Variants in MRAS observed in about 807,000 individuals in gnomAD.
MRAS encodes the protein muscle RAS oncogene homolog, also known as ras-related protein M-Ras.
Under a neutral mutation model 20.9 loss-of-function variants are expected in MRAS, and 4 were observed. The ratio of observed to expected loss-of-function variants is 0.19; its 90% CI spans 0.09 to 0.44. MRAS has a LOEUF of 0.44. MRAS is among the 20% of genes least tolerant of loss of function. The probability of loss-of-function intolerance (pLI) is 0.99; values close to 1 mark genes in which losing one functional copy is unlikely to be tolerated. For missense variants in MRAS, 154 were observed against 277.5 expected (o/e 0.56, Z 3.16); for synonymous variants, 98 against 102.9 (o/e 0.95, Z 0.29).
intron 1 of MRAS, among the ~76,000 whole-genome samples, chr3:138,357,812 C>G (rs2054365920): frequency 1.3e-5 from 2 of 152,172 alleles, no homozygotes; most frequent in African/African-American, 4.8e-5. Context: ...CAGCCCAGAT[C>G]AGGGCAGAAG....
chr3:138,372,706 A>G (rs562393225), intron 1 of MRAS, among the ~76,000 whole-genome samples, 160 bp from the exon 2 acceptor site: 9 of 152,372 alleles, frequency 5.9e-5, no homozygotes, highest in Non-Finnish European at 1.2e-4. Flanking sequence ...GTCTCTGGCT[A>G]GTGAGACCAG....
intron 1 of MRAS, among the ~76,000 whole-genome samples, chr3:138,369,180 G>A (rs2054623253): frequency 6.6e-6 from 1 of 152,206 alleles, no homozygotes; most frequent in African/African-American, 2.4e-5. Flanking sequence ...TGAACCTCTA[G>A]TTCATTCAGT....
chr3:138,398,457 T>A lies in MRAS; in HGVS notation c.348-12T>A. On this transcript the variant is annotated splice_polypyrimidine_tract_variant and intron_variant, in intron 3 of 5. Coordinates refer to ENST00000423968, the MANE Select transcript of MRAS (RefSeq NM_001085049.3). ...GGAAACCTCACAGAGCTGCTGTTCC[T>A]TTATTTCCCAGGGAGTCATTCCCGA... 1 of 1,613,008 alleles carries A rather than the reference T, an allele frequency of 6.2e-7. No homozygotes were observed. The highest frequency in any genetic ancestry group is 8.5e-7 in the Non-Finnish European group (1 of 1,178,978).
intron 2 of MRAS, among the ~76,000 whole-genome samples, chr3:138,375,092 G>A (rs529670652): frequency 6.6e-6 from 1 of 152,088 alleles, no homozygotes; most frequent in Non-Finnish European, 1.5e-5. Flanking sequence ...TCCCATTGTC[G>A]CCCAGGCTGG....
intron 1 of MRAS, among the ~76,000 whole-genome samples, chr3:138,354,744 A>G (rs1221944119): frequency 6.6e-6 from 1 of 152,206 alleles, no homozygotes; most frequent in Non-Finnish European, 1.5e-5. Flanking sequence ...GAGAAAACAT[A>G]TTCTCTTTTT....
intron 1 of MRAS, among the ~76,000 whole-genome samples, chr3:138,355,887 C>T (rs758088656): frequency 5.9e-4 from 90 of 152,146 alleles, no homozygotes; most frequent in Non-Finnish European, 2.2e-4. Context: ...GCTGAGATCG[C>T]GCCACTGTGC....
intron 2 of MRAS, among the ~76,000 whole-genome samples, chr3:138,392,787 C>T (rs1204425294): frequency 6.6e-6 from 1 of 152,146 alleles, no homozygotes; most frequent in Non-Finnish European, 1.5e-5. Context: ...TTAGTATCTG[C>T]TTTTAATAGA....
intron 1 of MRAS, among the ~76,000 whole-genome samples, chr3:138,360,111 C>G (rs1205213945): frequency 6.6e-6 from 1 of 152,142 alleles, no homozygotes; most frequent in Non-Finnish European, 1.5e-5. Flanking sequence ...TGTACCTATC[C>G]CCTTCTATCA....
At position 138,404,783 on chromosome 3, in the gene MRAS, C is replaced by T. The variant is rs988670186; in HGVS notation, c.*2514C>T. ...CCCCGTGACATCCCTCCATCTTCTC[C>T]TCCATTATCATCTAGCAGGGTCAGA... is the stretch of plus-strand genomic sequence containing the variant. On this transcript the variant is annotated 3_prime_UTR_variant, in exon 6 of 6. Coordinates refer to ENST00000423968, the MANE Select transcript of MRAS (RefSeq NM_001085049.3). The T allele has an allele frequency of 6.6e-6, 1 of 152,192 alleles. No individual in the cohort carries two copies. Among genetic ancestry groups the T allele is most frequent in the Non-Finnish European group, 1.5e-5 (1 of 68,050 alleles). 9.4% of individuals were successfully genotyped at this position (152,192 alleles called of 1,614,324 possible). A position where few individuals can be genotyped will look rare whatever the true frequency, so the allele number is the denominator to read the frequency against.
At chr3:138,370,269 AGACCAC>A (rs2054647580) in intron 1 of MRAS, among the ~76,000 whole-genome samples, 1 of 152,238 alleles carries the variant, frequency 6.6e-6, no homozygotes, top group African/African-American at 2.4e-5. Flanking sequence ...CAGTGAGCTG[AGACCAC>A]GCTACTGCAC....
At chr3:138,393,012 A>G (rs577514682) in intron 2 of MRAS, among the ~76,000 whole-genome samples, 1 of 152,178 alleles carries the variant, frequency 6.6e-6, no homozygotes, top group South Asian at 2.1e-4. Flanking sequence ...CCGTTCTTCT[A>G]TTGGTTATGC....
intron 4 of MRAS, 106 bp downstream of exon 4, chr3:138,398,674 G>A: frequency 1.0e-6 from 1 of 962,832 alleles, no homozygotes; most frequent in East Asian, 2.5e-5. Context: ...GTTTATTGAA[G>A]GGCTCCCCTT....
Position 138,402,586 on chromosome 3 carries a change from A to AGT in MRAS, c.*320_*321dup, listed in dbSNP as rs2055383775. 3.3e-6 allele frequency: 1 copy of AGT among 300,924 alleles called. No individual in the cohort carries two copies. The highest frequency in any genetic ancestry group is 2.1e-5 in the African/African-American group (1 of 46,784). The allele number at this position is 300,924 out of a possible 1,614,324, so 18.6% of individuals were successfully genotyped here. ...GGTGTGTTGTTTATTGTAACTACAT[A>AGT]GTGTTGGTTTGATGTGGAAGTGTTT... On this transcript the variant is annotated 3_prime_UTR_variant, in exon 6 of 6. Transcript: ENST00000423968.
At chr3:138,400,102 T>C (rs2055328582) in intron 4 of MRAS, 1 of 158,798 alleles carries the variant, frequency 6.3e-6, no homozygotes, top group African/African-American at 2.4e-5. Flanking sequence ...ATCCTGGTCA[T>C]GGCCCAGCCT....
At chr3:138,376,774 A>G (rs1457996068) in intron 2 of MRAS, among the ~76,000 whole-genome samples, 1 of 152,236 alleles carries the variant, frequency 6.6e-6, no homozygotes, top group East Asian at 1.9e-4. Flanking sequence ...TTTAACATGC[A>G]AACACATATT....
intron 1 of MRAS, chr3:138,349,780 A>G (rs934692068): frequency 2.6e-5 from 4 of 152,164 alleles, no homozygotes; most frequent in Admixed American, 2.6e-4. Context: ...TAAGATGGAG[A>G]TATGACTTTA....
intron 2 of MRAS, among the ~76,000 whole-genome samples, chr3:138,386,333 C>T (rs2055013832): frequency 6.6e-6 from 1 of 152,018 alleles, no homozygotes; most frequent in African/African-American, 2.4e-5. Context: ...TTGCCTACTC[C>T]AGACATTTCA....
At chr3:138,384,053 C>T (rs1176176775) in intron 2 of MRAS, among the ~76,000 whole-genome samples, 1 of 152,010 alleles carries the variant, frequency 6.6e-6, no homozygotes, top group African/African-American at 2.4e-5. Flanking sequence ...GTGTGCCTGG[C>T]CTGTGTGGGG....
At position 138,398,615 on chromosome 3, in the gene MRAS, C is replaced by T. The variant is rs1269433858; in HGVS notation, c.447+47C>T. On this transcript the variant is annotated intron_variant, in intron 4 of 5. Coordinates refer to ENST00000423968, the MANE Select transcript of MRAS (RefSeq NM_001085049.3). The stretch of plus-strand genomic sequence containing the variant: ...GAGGGGGTCAGGAGATGTGTAAAAG[C>T]TGTAGCCTGGTCACCCCTGCAGTCC... 3.2e-6 allele frequency: 5 copies of T among 1,553,760 alleles called. No homozygotes were observed. The South Asian group carries it at 5.6e-5, about 17-fold the overall frequency.
Sources: allele counts gnomAD v4.1 joint callset (sites outside exome capture counted in the v4.1 genomes callset), GRCh38; gene constraint gnomAD v4.1.1; transcripts MANE v1.5; gene names NCBI Gene and HGNC (gene_info 2026-07-23, HGNC 2026-07-21).